BLK: variants seen among roughly 807,000 people sequenced by gnomAD.
BLK encodes the protein BLK proto-oncogene, Src family tyrosine kinase, also known as tyrosine-protein kinase Blk.
BLK carries 64 observed loss-of-function variants against 61.8 expected under a neutral mutation model. The observed-to-expected ratio is 1.03, with a 90% CI of 0.85 to 1.27. The LOEUF is 1.27. BLK is among the 50% of genes most tolerant of loss of function. The probability of loss-of-function intolerance (pLI) is 0.00; values close to 1 mark genes in which losing one functional copy is unlikely to be tolerated. For missense variants in BLK, 853 were observed against 660.5 expected, an observed-to-expected ratio of 1.29 and a Z score of -3.19; for synonymous variants, 351 against 272.0, an observed-to-expected ratio of 1.29 and a Z score of -2.86.
rs533197446 is a variant in BLK, at chr8:11,559,136, G to A, written c.1029+1098G>A. On this transcript the variant is annotated intron_variant, in intron 10 of 12. Coordinates refer to ENST00000259089, the MANE Select transcript of BLK (RefSeq NM_001715.3). ...ACTACACCCCCTTGGGAAATCTCGT[G>A]TGACCCAGGGGCAAAGGATGTGAAA... 2.9e-5 allele frequency: 11 copies of A among 382,990 alleles called. No homozygotes were observed. The East Asian group carries it at 3.7e-4, about 13-fold the overall frequency. 23.7% of individuals were successfully genotyped at this position (382,990 alleles called of 1,614,324 possible).
intron 11 of BLK, among the ~76,000 whole-genome samples, chr8:11,562,419 G>C (rs1334272309): frequency 6.6e-6 from 1 of 152,188 alleles, no homozygotes; most frequent in African/African-American, 2.4e-5. Context: ...CCGAGAAATG[G>C]AGGCCAGGGG....
chr8:11,508,747 G>C (rs756401310), intron 1 of BLK, among the ~76,000 whole-genome samples: 32 of 152,230 alleles, frequency 2.1e-4, no homozygotes, highest in Non-Finnish European at 4.1e-4. Flanking sequence ...AGTGTCAGCT[G>C]TGTGCACCCA....
intron 1 of BLK, among the ~76,000 whole-genome samples, chr8:11,511,000 C>T (rs1798981929): frequency 6.6e-6 from 1 of 152,170 alleles, no homozygotes; most frequent in Admixed American, 6.5e-5. Context: ...TTGCATTTCT[C>T]ACCAGGGAGT....
chr8:11,556,877 G>A, intron 9 of BLK, 40 bp downstream of exon 9: 1 of 1,605,596 alleles, frequency 6.2e-7, no homozygotes, highest in Non-Finnish European at 8.5e-7. Context: ...GAGCGAGGCG[G>A]GAGGGCCGGG....
chr8:11,512,381 C>T (rs1799047264), intron 1 of BLK, among the ~76,000 whole-genome samples: 1 of 152,230 alleles, frequency 6.6e-6, no homozygotes, highest in African/African-American at 2.4e-5. Context: ...ATTCCTCATC[C>T]TAAACCCCAC....
At chr8:11,496,703 C>T (rs1388833390) in intron 1 of BLK, among the ~76,000 whole-genome samples, 1 of 152,188 alleles carries the variant, frequency 6.6e-6, no homozygotes, top group Non-Finnish European at 1.5e-5. Flanking sequence ...AAGCAGAAAG[C>T]CAGGAATGGA....
chr8:11,536,599 G>A (rs144629769), intron 1 of BLK, among the ~76,000 whole-genome samples: 11 of 152,130 alleles, frequency 7.2e-5, no homozygotes, highest in African/African-American at 2.7e-4. Flanking sequence ...GTAGAGACGG[G>A]GTTTCACCAT....
chr8:11,519,151 C>T (rs1473195383), intron 1 of BLK, among the ~76,000 whole-genome samples: 1 of 152,196 alleles, frequency 6.6e-6, no homozygotes, highest in Non-Finnish European at 1.5e-5. Flanking sequence ...CTGTGGCCTC[C>T]AGCATGTTGC....
At chr8:11,558,810 C>T (rs889336157) in intron 10 of BLK, 17 of 455,624 alleles carry the variant, frequency 3.7e-5, no homozygotes, top group South Asian at 6.2e-5. Context: ...GAGGCACACA[C>T]GTGCGTACAC....
At chr8:11,555,039 C>T in intron 7 of BLK, 150 bp downstream of exon 7, 1 of 1,291,092 alleles carries the variant, frequency 7.7e-7, no homozygotes, top group Non-Finnish European at 1.1e-6. Context: ...CAACTCTGAG[C>T]ACCGGGAATT....
chr8:11,501,871 G>GAA (rs1563418244), intron 1 of BLK, among the ~76,000 whole-genome samples: 48 of 152,132 alleles, frequency 3.2e-4, no homozygotes, highest in Middle Eastern at 6.8e-3. Context: ...GAACTGGGTA[G>GAA]TAGTTTTTCA....
At position 11,563,912 on chromosome 8, in the gene BLK, A is replaced by T. The variant is rs1042269739; in HGVS notation, c.1322A>T (p.Asn441Ile). The change falls in exon 13 of 13, where the codon AAC becomes ATC. Residue 441 changes from asparagine (N) to isoleucine (I), a missense_variant. Coordinates refer to ENST00000259089, the MANE Select transcript of BLK (RefSeq NM_001715.3). ...YGRVPYPGMS[N>I]PEVIRNLERG... ...GTCTCCTCTGCCGCAGGGATGAGCAACCCCGAGGTCATCCGCAACCTGGAG... is the reference window on the plus strand; with the variant it reads ...GTCTCCTCTGCCGCAGGGATGAGCATCCCCGAGGTCATCCGCAACCTGGAG... 6.2e-7 allele frequency: 1 copy of T among 1,608,836 alleles called. No homozygotes were observed. The highest frequency in any genetic ancestry group is 1.7e-5 in the Admixed American group (1 of 59,946).
intron 1 of BLK, among the ~76,000 whole-genome samples, chr8:11,528,463 C>G (rs1174472452): frequency 6.6e-6 from 1 of 152,220 alleles, no homozygotes; most frequent in African/African-American, 2.4e-5. Flanking sequence ...TCAGATTTCT[C>G]TTACTGTCAT....
chr8:11,556,401 C>T (rs1034457003), intron 8 of BLK: 5 of 527,154 alleles, frequency 9.5e-6, no homozygotes, highest in African/African-American at 3.8e-5. Context: ...GACAGAAGGA[C>T]ACAGGCCCAG....
chr8:11,544,475 A>G (rs905717318), intron 2 of BLK, among the ~76,000 whole-genome samples: 1 of 152,082 alleles, frequency 6.6e-6, no homozygotes, highest in African/African-American at 2.4e-5. Context: ...CATCTTACCT[A>G]TCTGTGTCCC....
intron 1 of BLK, among the ~76,000 whole-genome samples, chr8:11,527,429 C>G (rs1403952083): frequency 6.6e-6 from 1 of 152,022 alleles, no homozygotes; most frequent in Non-Finnish European, 1.5e-5. Flanking sequence ...AACCACTGAT[C>G]TACTTTCTAG....
intron 1 of BLK, among the ~76,000 whole-genome samples, chr8:11,528,148 C>A (rs1799743495): frequency 6.6e-6 from 1 of 152,086 alleles, no homozygotes; most frequent in Non-Finnish European, 1.5e-5. Context: ...GTGATCCTCC[C>A]ACCTCAGCCT....
chr8:11,503,473 T>A (rs1226530447), intron 1 of BLK, among the ~76,000 whole-genome samples: 1 of 152,176 alleles, frequency 6.6e-6, no homozygotes, highest in Non-Finnish European at 1.5e-5. Context: ...TGCCCCTGTG[T>A]CAGGTGGGAC....
intron 2 of BLK, among the ~76,000 whole-genome samples, chr8:11,544,604 G>T (rs1215919135): frequency 6.6e-6 from 1 of 152,198 alleles, no homozygotes; most frequent in African/African-American, 2.4e-5. Flanking sequence ...ATGATAATAA[G>T]TAGTAGCACC....
Sources: allele counts gnomAD v4.1 joint callset (sites outside exome capture counted in the v4.1 genomes callset), GRCh38; gene constraint gnomAD v4.1.1; transcripts MANE v1.5; gene names NCBI Gene and HGNC (gene_info 2026-07-23, HGNC 2026-07-21).